ACOT4: variants seen among roughly 807,000 people sequenced by gnomAD.
ACOT4 encodes the protein acyl-CoA thioesterase 4, also known as peroxisomal succinyl-coenzyme A thioesterase.
ACOT4 carries 18 observed loss-of-function variants against 17.1 expected under a neutral mutation model. The ratio of observed to expected loss-of-function variants is 1.05; its 90% CI spans 0.73 to 1.56. ACOT4 has a LOEUF of 1.56. Ranked by LOEUF, ACOT4 falls within the 40% of genes most tolerant of loss-of-function variation. The pLI is 0.00. For synonymous variants in ACOT4, 234 were observed against 236.6 expected (o/e 0.99, Z 0.10); for missense variants, 574 against 557.2 (o/e 1.03, Z -0.30).
rs775309832 is a variant in ACOT4 at position 73,595,166 on chromosome 14, A to T, written c.778A>T (p.Ser260Cys). The T allele has an allele frequency of 3.5e-5, 56 of 1,614,138 alleles. No individual in the cohort carries two copies. The highest frequency in any genetic ancestry group is 4.6e-5 in the Non-Finnish European group (54 of 1,180,060). ...ATVSINGSGI[S>C]GNTAINYKHS... is the part of the protein sequence containing the mutation. ...AGTTTCCATCAATGGATCTGGGATC[A>T]GTGGGAACACAGCCATCAACTATAA... The change falls in exon 3 of 3, where the codon AGT (serine) becomes TGT (cysteine). Residue 260 changes from serine to cysteine, a missense_variant. By Grantham distance (112) the Ser-to-Cys change is moderately radical (BLOSUM62 -1). Coordinates refer to ENST00000326303, the MANE Select transcript of ACOT4 (RefSeq NM_152331.4).
Position 73,595,132 on chromosome 14 carries a change from C to T in ACOT4, c.744C>T (p.Val248=). Residue 248 remains valine (V), a synonymous_variant, in exon 3 of 3, where the codon GTC becomes GTT. Coordinates refer to ENST00000326303, the MANE Select transcript of ACOT4 (RefSeq NM_152331.4). ...CAATGGCCTCATTCTTGAAGAATGT[C>T]TCAGCCACAGTTTCCATCAATGGAT... ...CLSMASFLKN[V]SATVSINGSG... is the part of the protein sequence containing the mutation. 16 of 1,614,196 alleles carry T rather than the reference C, an allele frequency of 9.9e-6. No individual in the cohort carries two copies. The highest frequency in any genetic ancestry group is 1.2e-5 in the Non-Finnish European group (14 of 1,180,032).
Position 73,592,430 on chromosome 14 carries a change from C to A in ACOT4, c.457+14C>A. Reference sequence around the variant, plus strand: ...TCCTGCCGCCAGGTGAGCCAGGCTGCTGGCGGGTGGTGTGAGCGTCAGTGG... The same window carrying A: ...TCCTGCCGCCAGGTGAGCCAGGCTGATGGCGGGTGGTGTGAGCGTCAGTGG... On this transcript the variant is annotated intron_variant, in intron 1 of 2. Transcript: ENST00000326303. 6.7e-7 allele frequency: 1 copy of A among 1,497,286 alleles called. No homozygotes were observed. Among genetic ancestry groups the A allele is most frequent in the Non-Finnish European group, 8.8e-7 (1 of 1,130,932 alleles). 92.8% of individuals were successfully genotyped at this position (1,497,286 alleles called of 1,614,324 possible).
chr14:73,595,372 CT>C lies in ACOT4; in HGVS notation c.985del (p.Trp329GlyfsTer50), dbSNP rs780735251. ...TCATTGTTGGTCAGGATGACCATAA[CT>C]GGAGAAGTGAGTTGTATGCCCAAAC... ...LLIVGQDDHNWRSELYAQTVS... is the reference protein window; with the variant it reads ...LLIVGQDDHNXRSELYAQTVS... On this transcript the variant is annotated frameshift_variant, in exon 3 of 3. Coordinates refer to ENST00000326303, the MANE Select transcript of ACOT4 (RefSeq NM_152331.4). LOFTEE classifies it low-confidence loss of function (END_TRUNC). The C allele has an allele frequency of 6.2e-7, 1 of 1,614,228 alleles. No individual in the cohort carries two copies. The highest frequency in any genetic ancestry group is 8.5e-7 in the Non-Finnish European group (1 of 1,180,042).
chr14:73,594,506 G>C (rs1890213088), intron 2 of ACOT4, among the ~76,000 whole-genome samples: 1 of 152,078 alleles, frequency 6.6e-6, no homozygotes, highest in Non-Finnish European at 1.5e-5. Context: ...CAGTTTCCAA[G>C]TTTTTCAGTG....
intron 2 of ACOT4, 103 bp from the exon 3 acceptor site, chr14:73,594,946 C>G: frequency 7.1e-7 from 1 of 1,400,372 alleles, no homozygotes; most frequent in Non-Finnish European, 9.8e-7. Flanking sequence ...CTCAAGTGAT[C>G]CGCCCGCCTC....
At chr14:73,593,336 C>CTTTTTT (rs60704237) in intron 1 of ACOT4, among the ~76,000 whole-genome samples, 52 of 104,840 alleles carry the variant, frequency 5.0e-4, no homozygotes, top group East Asian at 1.1e-3. Context: ...TTCTTTCTTT[C>CTTTTTT]TTTTTTTTTT....
At position 73,592,060 on chromosome 14, in the gene ACOT4, T is replaced by TGCGCGCGTCCCTGCGCGACGAGAAGG. The variant is rs1890157920; in HGVS notation, c.108_133dup (p.Leu45ArgfsTer59). ...CTGGCCCCGGAGCAGCGGGTTACGC[T>TGCGCGCGTCCCTGCGCGACGAGAAGG]GCGCGCGTCCCTGCGCGACGAGAAG... On this transcript the variant is annotated frameshift_variant, in exon 1 of 3. Coordinates refer to ENST00000326303, the MANE Select transcript of ACOT4 (RefSeq NM_152331.4). LOFTEE classifies it high-confidence loss of function. 6.8e-7 allele frequency: 1 copy of TGCGCGCGTCCCTGCGCGACGAGAAGG among 1,478,710 alleles called. No homozygotes were observed. Among genetic ancestry groups the TGCGCGCGTCCCTGCGCGACGAGAAGG allele is most frequent in the African/African-American group, 1.5e-5 (1 of 67,348 alleles). 91.6% of individuals were successfully genotyped at this position (1,478,710 alleles called of 1,614,324 possible).
chr14:73,593,949 T>G (rs1390666666), intron 2 of ACOT4, 45 bp downstream of exon 2: 1 of 1,534,424 alleles, frequency 6.5e-7, no homozygotes. Context: ...TAGAAATATT[T>G]CCATAGAGAG....
chr14:73,592,367 CCAG>C lies in ACOT4; in HGVS notation c.409_411del (p.Gln137del), dbSNP rs1356170652. Reference sequence around the variant, plus strand: ...ACTTCCTCCCGCCAGGGGTGCGGCGCCAGTCGGTGCGAGCGGGCCGGGTGCGCG... The same window carrying C: ...ACTTCCTCCCGCCAGGGGTGCGGCGCTCGGTGCGAGCGGGCCGGGTGCGCG... On this transcript the variant is annotated inframe_deletion, in exon 1 of 3. Coordinates refer to ENST00000326303, the MANE Select transcript of ACOT4 (RefSeq NM_152331.4). 3 of 1,578,338 alleles carry C rather than the reference CCAG, an allele frequency of 1.9e-6. No individual in the cohort carries two copies. The South Asian group carries it at 3.5e-5, about 18-fold the overall frequency.
At position 73,592,410 on chromosome 14, in the gene ACOT4, C is replaced by A; in HGVS notation, c.451C>A (p.Pro151Thr). Residue 151 changes from proline to threonine, a missense_variant, in exon 1 of 3, where the codon CCG (proline) becomes ACG (threonine). By Grantham distance (38) the Pro-to-Thr change is conservative. Coordinates refer to ENST00000326303, the MANE Select transcript of ACOT4 (RefSeq NM_152331.4). ...CCGGGTGCGCGCCACGCTCTTCCTGCCGCCAGGTGAGCCAGGCTGCTGGCG... is the reference window on the plus strand; with the variant it reads ...CCGGGTGCGCGCCACGCTCTTCCTGACGCCAGGTGAGCCAGGCTGCTGGCG... ...AGRVRATLFL[P>T]PGPGPFPGII... 1 of 1,524,460 alleles carries A rather than the reference C, an allele frequency of 6.6e-7. No individual in the cohort carries two copies. Among genetic ancestry groups the A allele is most frequent in the Non-Finnish European group, 8.8e-7 (1 of 1,142,046 alleles). 94.4% of individuals were successfully genotyped at this position (1,524,460 alleles called of 1,614,324 possible).
In ACOT4 at chr14:73,592,536, T is replaced by C. The variant is rs991555835; in HGVS notation, c.457+120T>C. On this transcript the variant is annotated intron_variant, in intron 1 of 2. Transcript: ENST00000326303. Reference sequence around the variant, plus strand: ...AGATCAGAGAAGCTAACATTGACTATGTCAGTGGCCACTCTACCAAAATAG... The same window carrying C: ...AGATCAGAGAAGCTAACATTGACTACGTCAGTGGCCACTCTACCAAAATAG... The C allele has an allele frequency of 2.5e-6, 3 of 1,207,774 alleles. No individual in the cohort carries two copies. The Admixed American group carries it at 8.9e-5, about 36-fold the overall frequency. The allele number at this position is 1,207,774 out of a possible 1,614,324, so 74.8% of individuals were successfully genotyped here.
At position 73,592,224 on chromosome 14, in the gene ACOT4, C is replaced by T. The variant is rs778572282; in HGVS notation, c.265C>T (p.Pro89Ser). 5.0e-6 allele frequency: 8 copies of T among 1,612,968 alleles called. No homozygotes were observed. In the East Asian group the frequency reaches 6.7e-5, roughly 13 times the overall value. ...GCTCTGGGCCCTGGAACCCGAGAAG[C>T]CTTTTTGGCGCTTCCTGAAGCGGGA... ...GLLWALEPEK[P>S]FWRFLKRDVQ... The change falls in exon 1 of 3, where the codon CCT (proline) becomes TCT (serine). Residue 89 changes from proline to serine, a missense_variant. Transcript: ENST00000326303.
rs1413601765 is a variant in ACOT4, at chr14:73,593,797, A to T, written c.553A>T (p.Thr185Ser). The T allele has an allele frequency of 6.2e-7, 1 of 1,614,072 alleles. No homozygotes were observed. The highest frequency in any genetic ancestry group is 1.7e-5 in the Admixed American group (1 of 59,998). Reference protein sequence around the residue: ...ASLLAGHGFATLALAYYNFED... With the variant: ...ASLLAGHGFASLALAYYNFED... ...CCTCCTTGCTGGCCATGGCTTTGCCACGTTGGCTCTAGCTTATTATAACTT... is the reference window on the plus strand; with the variant it reads ...CCTCCTTGCTGGCCATGGCTTTGCCTCGTTGGCTCTAGCTTATTATAACTT... The change falls in exon 2 of 3, where the codon ACG becomes TCG. Residue 185 changes from threonine (T) to serine (S), a missense_variant. Physicochemically the swap from Thr to Ser is moderately conservative, Grantham distance 58 (BLOSUM62 1). Transcript: ENST00000326303.
Position 73,595,410 on chromosome 14 carries a change from G to A in ACOT4, c.1022G>A (p.Arg341Gln), listed in dbSNP as rs375506372. Residue 341 changes from arginine to glutamine, a missense_variant, in exon 3 of 3, where the codon CGG becomes CAG. Arg to Gln is a conservative substitution (Grantham distance 43). Coordinates refer to ENST00000326303, the MANE Select transcript of ACOT4 (RefSeq NM_152331.4). The part of the protein sequence containing the change: ...SELYAQTVSE[R>Q]LQAHGKEKPQ... ...TTGTATGCCCAAACAGTCTCTGAAC[G>A]GTTACAGGCCCATGGAAAGGAAAAA... The A allele has an allele frequency of 8.7e-6, 14 of 1,614,204 alleles. No individual in the cohort carries two copies. The highest frequency in any genetic ancestry group is 1.2e-5 in the Non-Finnish European group (14 of 1,180,020).
chr14:73,593,930 C>T (rs1370795433), intron 2 of ACOT4, 26 bp downstream of exon 2: 27 of 1,579,894 alleles, frequency 1.7e-5, no homozygotes, highest in Non-Finnish European at 2.3e-5. Flanking sequence ...TTTATTTAAT[C>T]AGTCTCTCTA....
In ACOT4 at chr14:73,592,228, T is replaced by A; in HGVS notation, c.269T>A (p.Phe90Tyr). 1 of 1,613,150 alleles carries A rather than the reference T, an allele frequency of 6.2e-7. No homozygotes were observed. The highest frequency in any genetic ancestry group is 8.5e-7 in the Non-Finnish European group (1 of 1,179,448). ...LLWALEPEKPFWRFLKRDVQI... is the reference protein window; with the variant it reads ...LLWALEPEKPYWRFLKRDVQI... ...TGGGCCCTGGAACCCGAGAAGCCTT[T>A]TTGGCGCTTCCTGAAGCGGGACGTA... Residue 90 changes from phenylalanine (F) to tyrosine (Y), a missense_variant, in exon 1 of 3, where the codon TTT (phenylalanine) becomes TAT (tyrosine). Coordinates refer to ENST00000326303, the MANE Select transcript of ACOT4 (RefSeq NM_152331.4).
intron 1 of ACOT4, among the ~76,000 whole-genome samples, 163 bp from the exon 2 acceptor site, chr14:73,593,539 C>T (rs1890191430): frequency 6.6e-6 from 1 of 151,716 alleles, no homozygotes; most frequent in South Asian, 2.1e-4. Flanking sequence ...GATGGGGTCT[C>T]ACTACATTGT....
At chr14:73,593,993 G>A (rs915700245) in intron 2 of ACOT4, 89 bp downstream of exon 2, 2 of 1,226,800 alleles carry the variant, frequency 1.6e-6, no homozygotes, top group Non-Finnish European at 2.2e-6. Context: ...ATGCTGCTCT[G>A]TTCCTCTTTC....
Position 73,591,899 on chromosome 14 carries a change from T to G in ACOT4, c.-61T>G. 7.6e-7 allele frequency: 1 copy of G among 1,320,790 alleles called. No homozygotes were observed. Among genetic ancestry groups the G allele is most frequent in the Non-Finnish European group, 9.7e-7 (1 of 1,031,920 alleles). The allele number at this position is 1,320,790 out of a possible 1,614,324, so 81.8% of individuals were successfully genotyped here. On this transcript the variant is annotated 5_prime_UTR_variant, in exon 1 of 3. Coordinates refer to ENST00000326303, the MANE Select transcript of ACOT4 (RefSeq NM_152331.4). Reference sequence around the variant, plus strand: ...GACGCCGTCCGGACATTCGGCGCGCTTGCCACGATCTTGGACGGGTCTCGG... The same window carrying G: ...GACGCCGTCCGGACATTCGGCGCGCGTGCCACGATCTTGGACGGGTCTCGG...
Sources: allele counts gnomAD v4.1 joint callset (sites outside exome capture counted in the v4.1 genomes callset), GRCh38; gene constraint gnomAD v4.1.1; transcripts MANE v1.5; gene names NCBI Gene and HGNC (gene_info 2026-07-23, HGNC 2026-07-21).